PIEZO1: variants seen among roughly 807,000 people sequenced by gnomAD.
PIEZO1 encodes piezo-type mechanosensitive ion channel component 1.
Under a neutral mutation model 297.2 loss-of-function variants are expected in PIEZO1, and 296 were observed. The observed-to-expected ratio is 1.00, with a 90% CI of 0.91 to 1.10. The LOEUF is 1.10. PIEZO1 is among the 50% of genes least tolerant of loss of function. The pLI is 0.00. For missense variants in PIEZO1, 5,018 were observed against 3,455.5 expected, an observed-to-expected ratio of 1.45 and a Z score of -11.34; for synonymous variants, 2,427 against 1,507.5, an observed-to-expected ratio of 1.61 and a Z score of -14.13.
rs543115526 is a variant in PIEZO1 at position 88,733,057 on chromosome 16, C to A, written c.2664+221G>T. ...CCTCACTGCCGGAGACCCTGGGACT[C>A]CGCCCCTACTGGACACCCTTGTGTG... On this transcript the variant is annotated intron_variant, in intron 19 of 50. Transcript: ENST00000301015. 4.9e-5 allele frequency: 29 copies of A among 590,820 alleles called. No individual in the cohort carries two copies. In the South Asian group the frequency reaches 6.1e-4, roughly 12 times the overall value. 36.6% of individuals were successfully genotyped at this position (590,820 alleles called of 1,614,324 possible). A position where few individuals can be genotyped will look rare whatever the true frequency, so the allele number is the denominator to read the frequency against.
chr16:88,716,771 C>T (rs1300377446), intron 46 of PIEZO1, 35 bp downstream of exon 46: 2 of 1,549,190 alleles, frequency 1.3e-6, no homozygotes, highest in Middle Eastern at 1.7e-4. Flanking sequence ...CAGCCGCCTC[C>T]CCACACCAGC....
In PIEZO1 at chr16:88,720,072, TCA is replaced by T; in HGVS notation, c.6159_6160del (p.Arg2055AspfsTer165). On this transcript the variant is annotated frameshift_variant, in exon 42 of 51. Coordinates refer to ENST00000301015, the MANE Select transcript of PIEZO1 (RefSeq NM_001142864.4). LOFTEE classifies it high-confidence loss of function. ...GCGCCCCCACGCGTGGGCCCACCTC[TCA>T]GTGACGGCGGGCAGGATGAAGAACA... 1.3e-6 allele frequency: 2 copies of T among 1,550,116 alleles called. No individual in the cohort carries two copies. Among genetic ancestry groups the T allele is most frequent in the Non-Finnish European group, 1.7e-6 (2 of 1,146,842 alleles).
In PIEZO1 at chr16:88,762,728, G is replaced by C. The variant is rs558515868; in HGVS notation, c.65-13249C>G. Among the ~76,000 whole-genome samples the C allele has an allele frequency of 8.5e-5, 13 of 152,332 alleles. No homozygotes were observed. In the South Asian group the frequency reaches 2.5e-3, roughly 29 times the overall value. ...CTTCTGTTGTGCCACTTGTCAGACGGGGAAACTGAGGCACGGTGGGCTTAC... is the reference window on the plus strand; with the variant it reads ...CTTCTGTTGTGCCACTTGTCAGACGCGGAAACTGAGGCACGGTGGGCTTAC... On this transcript the variant is annotated intron_variant, in intron 1 of 50. Transcript: ENST00000301015.
At chr16:88,721,765 G>C in intron 37 of PIEZO1, 39 bp from the exon 38 acceptor site, 1 of 1,534,902 alleles carries the variant, frequency 6.5e-7, no homozygotes, top group South Asian at 1.2e-5. Flanking sequence ...GAGGGTCACG[G>C]CGCGGTGGGC....
In PIEZO1 at chr16:88,727,657, AT is replaced by A; in HGVS notation, c.3200del (p.Tyr1067PhefsTer11). ...LGMPPALCID[Y>X]PWRWSRAVPM... ...GGACGGCCCGGCTCCAGCGCCAGGG[AT>A]AATCTGGGGGAAGGGGTGTCATGTC... On this transcript the variant is annotated frameshift_variant, in exon 23 of 51. Coordinates refer to ENST00000301015, the MANE Select transcript of PIEZO1 (RefSeq NM_001142864.4). LOFTEE classifies it high-confidence loss of function. 6.9e-7 allele frequency: 1 copy of A among 1,454,438 alleles called. No individual in the cohort carries two copies. Among genetic ancestry groups the A allele is most frequent in the Non-Finnish European group, 9.2e-7 (1 of 1,087,146 alleles). 90.1% of individuals were successfully genotyped at this position (1,454,438 alleles called of 1,614,324 possible).
In PIEZO1 at chr16:88,749,445, G is replaced by A; in HGVS notation, c.99C>T (p.Val33=). ...GCAGCAGCAGCAGGAAGAGCAGGTA[G>A]ACCAGCGAGAGTCCGCTGAAGCGGA... ...CLLRFSGLSL[V]YLLFLLLLPW... is the part of the protein sequence containing the mutation. The change falls in exon 2 of 51, where the codon GTC becomes GTT. Residue 33 remains valine, a synonymous_variant. Transcript: ENST00000301015. 1 of 1,524,394 alleles carries A rather than the reference G, an allele frequency of 6.6e-7. No homozygotes were observed. The highest frequency in any genetic ancestry group is 1.2e-5 in the South Asian group (1 of 81,642). The allele number at this position is 1,524,394 out of a possible 1,614,324, so 94.4% of individuals were successfully genotyped here. A position where few individuals can be genotyped will look rare whatever the true frequency, so the allele number is the denominator to read the frequency against.
In PIEZO1 at chr16:88,731,829, T is replaced by G; in HGVS notation, c.3073A>C (p.Ile1025Leu). ...VTLHGCWLVA[I>L]LTRRHRQAIA... ...GCCTGGCGGTGCCTGCGGGTGAGGA[T>G]GGCCACCAGCCAGCAACCGTGCAGG... The change falls in exon 22 of 51, where the codon ATC (isoleucine) becomes CTC (leucine). Residue 1025 changes from isoleucine to leucine, a missense_variant. Ile to Leu is a conservative substitution (Grantham distance 5). Transcript: ENST00000301015. 1 of 1,274,378 alleles carries G rather than the reference T, an allele frequency of 7.8e-7. No homozygotes were observed. Among genetic ancestry groups the G allele is most frequent in the Non-Finnish European group, 1.0e-6 (1 of 983,958 alleles). 78.9% of individuals were successfully genotyped at this position (1,274,378 alleles called of 1,614,324 possible). A position where few individuals can be genotyped will look rare whatever the true frequency, so the allele number is the denominator to read the frequency against.
Position 88,723,886 on chromosome 16 carries a change from T to G in PIEZO1, c.4320A>C (p.Ala1440=), listed in dbSNP as rs778026943. 8.0e-5 allele frequency: 124 copies of G among 1,541,764 alleles called. No homozygotes were observed. The African/African-American group carries it at 1.6e-3, about 20-fold the overall frequency. The change falls in exon 31 of 51, where the codon GCA becomes GCC. Residue 1440 remains alanine, a synonymous_variant. Coordinates refer to ENST00000301015, the MANE Select transcript of PIEZO1 (RefSeq NM_001142864.4). The part of the protein sequence containing the change: ...EAVPEDPRPS[A]QSAFQLAYQA... ...CCCACCTCACCTGGAAGGCACTCTG[T>G]GCCGACGGCCTCGGGTCTTCAGGAA... is the stretch of plus-strand genomic sequence containing the variant.
At chr16:88,728,548 G>A (rs942760822) in intron 22 of PIEZO1, among the ~76,000 whole-genome samples, 19 of 119,128 alleles carry the variant, frequency 1.6e-4, no homozygotes, top group Non-Finnish European at 1.6e-4. Context: ...GGAACCTCGC[G>A]ACCCAAAAAC....
Position 88,737,784 on chromosome 16 carries a change from G to C in PIEZO1, c.1051C>G (p.Arg351Gly). 1.3e-6 allele frequency: 2 copies of C among 1,535,788 alleles called. No homozygotes were observed. Among genetic ancestry groups the C allele is most frequent in the Non-Finnish European group, 1.7e-6 (2 of 1,146,732 alleles). Residue 351 changes from arginine (R) to glycine (G), a missense_variant, in exon 9 of 51, where the codon CGG becomes GGG. Physicochemically the swap from Arg to Gly is moderately radical, Grantham distance 125. Transcript: ENST00000301015. The stretch of plus-strand genomic sequence containing the variant: ...TCCAGCTCTGCTAGCTCCAGCTCCC[G>C]AGCCTCATACCCCTTTGCCGCCTCC... The part of the protein sequence containing the change: ...RKEAAKGYEA[R>G]ELELAELDQW...
chr16:88,722,219 T>G lies in PIEZO1; in HGVS notation c.4954A>C (p.Arg1652=), dbSNP rs1390338842. The G allele has an allele frequency of 3.9e-6, 6 of 1,546,068 alleles. No individual in the cohort carries two copies. The South Asian group carries it at 4.8e-5, about 12-fold the overall frequency. The change falls in exon 36 of 51, where the codon AGG becomes CGG. Residue 1652 remains arginine (R), a splice_region_variant and synonymous_variant. Transcript: ENST00000301015. ...MRTASELLLD[R]RLRIPELEEA... is the part of the protein sequence containing the mutation. ...GTGTTGTGCGCGTCCCGCCCCCACC[T>G]GTCCAGGAGCAGCTCGCTGGCCGTC... is the stretch of plus-strand genomic sequence containing the variant.
At position 88,726,538 on chromosome 16, in the gene PIEZO1, G is replaced by A. The variant is rs1247253188; in HGVS notation, c.3796+9C>T. ...CACGCCCTCCCCCGCCACCGTCCTG[G>A]CCACTCACGGTCATAGTAGCCCTTG... On this transcript the variant is annotated intron_variant, in intron 26 of 50. Transcript: ENST00000301015. 2.3e-5 allele frequency: 36 copies of A among 1,548,618 alleles called. No individual in the cohort carries two copies. The highest frequency in any genetic ancestry group is 3.0e-5 in the Non-Finnish European group (34 of 1,145,706).
chr16:88,769,996 G>A lies in PIEZO1; in HGVS notation c.64+14905C>T, dbSNP rs376853496. ...CCCTCCTAACCTACTCCAACCTGGA[G>A]GCTCGGGACCCCCACGCCTCTGCCC... On this transcript the variant is annotated intron_variant, in intron 1 of 50. Coordinates refer to ENST00000301015, the MANE Select transcript of PIEZO1 (RefSeq NM_001142864.4). 4.1e-4 allele frequency among the ~76,000 whole-genome samples: 62 copies of A among 152,322 alleles called. No individual in the cohort carries two copies. The East Asian group carries it at 0.01, about 26-fold the overall frequency.
intron 39 of PIEZO1, 76 bp from the exon 40 acceptor site, chr16:88,720,824 G>C: frequency 1.4e-6 from 2 of 1,401,796 alleles, no homozygotes; most frequent in Non-Finnish European, 1.9e-6. Context: ...CACCCTAAGA[G>C]GCTGGCATTC....
At chr16:88,732,113 G>A (rs941576731) in intron 21 of PIEZO1, among the ~76,000 whole-genome samples, 1 of 150,592 alleles carries the variant, frequency 6.6e-6, no homozygotes, top group African/African-American at 2.4e-5. Flanking sequence ...GCTCCAGGAG[G>A]TGGGCTGTAC....
chr16:88,732,417 C>T lies in PIEZO1; in HGVS notation c.2909G>A (p.Gly970Asp), dbSNP rs753616756. Residue 970 changes from glycine to aspartate, a missense_variant, in exon 21 of 51, where the codon GGC (glycine) becomes GAC (aspartate). Physicochemically the swap from Gly to Asp is moderately conservative, Grantham distance 94 (BLOSUM62 -1). Coordinates refer to ENST00000301015, the MANE Select transcript of PIEZO1 (RefSeq NM_001142864.4). Reference sequence around the variant, plus strand: ...ATCCTGGTCCAGCTGCTGGCGGGTGCCGCTGGCAAACACGGCCTGGGCAGG... The same window carrying T: ...ATCCTGGTCCAGCTGCTGGCGGGTGTCGCTGGCAAACACGGCCTGGGCAGG... ...PLPAQAVFASGTRQQLDQDLL... is the reference protein window; with the variant it reads ...PLPAQAVFASDTRQQLDQDLL... 43 of 1,549,618 alleles carry T rather than the reference C, an allele frequency of 2.8e-5. No homozygotes were observed. The highest frequency in any genetic ancestry group is 3.6e-5 in the Non-Finnish European group (41 of 1,146,554).
intron 44 of PIEZO1, chr16:88,717,575 C>G (rs1355303717): frequency 2.1e-6 from 1 of 480,628 alleles, no homozygotes; most frequent in African/African-American, 2.0e-5. Flanking sequence ...AGAGCTAAAA[C>G]TATAGAACTT....
At chr16:88,741,324 G>T in intron 5 of PIEZO1, 154 bp downstream of exon 5, 2 of 671,792 alleles carry the variant, frequency 3.0e-6, no homozygotes, top group Non-Finnish European at 2.4e-6. Context: ...GCTGGGCCCC[G>T]GGGTGGGATT....
Position 88,749,489 on chromosome 16 carries a change from G to C in PIEZO1, c.65-10C>G, listed in dbSNP as rs751175436. The C allele has an allele frequency of 2.6e-6, 4 of 1,522,856 alleles. No homozygotes were observed. The highest frequency in any genetic ancestry group is 2.4e-5 in the South Asian group (2 of 82,068). The allele number at this position is 1,522,856 out of a possible 1,614,324, so 94.3% of individuals were successfully genotyped here. A position where few individuals can be genotyped will look rare whatever the true frequency, so the allele number is the denominator to read the frequency against. On this transcript the variant is annotated splice_polypyrimidine_tract_variant and intron_variant, in intron 1 of 50. Transcript: ENST00000301015. ...AAGCGGAGCAGGCAGGCTGCGGGGA[G>C]ATGGGCGTTAACTAGGTCGCCAACA... is the stretch of plus-strand genomic sequence containing the variant.
Sources: gnomAD v4.1 joint callset for allele counts (sites outside exome capture counted in the v4.1 genomes callset) on GRCh38, gnomAD v4.1.1 for gene constraint, MANE v1.5 for transcripts, NCBI Gene and HGNC (gene_info 2026-07-23, HGNC 2026-07-21) for gene names.